Variants in DHX32 observed in about 807,000 individuals in gnomAD.
The protein encoded by DHX32 is putative pre-mRNA-splicing factor ATP-dependent RNA helicase DHX32.
In DHX32, 51 loss-of-function variants were observed where a neutral mutation model predicts 70.0. That is an observed-to-expected ratio of 0.73 (90% confidence interval 0.58 to 0.92). DHX32 has a LOEUF of 0.92. Ranked by LOEUF, DHX32 falls within the 40% of genes least tolerant of loss-of-function variation. The pLI, the probability that DHX32 is intolerant of heterozygous loss-of-function variation, is 0.00. For synonymous variants in DHX32, 310 were observed against 315.3 expected (o/e 0.98, Z 0.18); for missense variants, 762 against 891.8 (o/e 0.85, Z 1.85).
chr10:125,868,243 T>G (rs1307270827), intron 1 of DHX32, among the ~76,000 whole-genome samples: 1 of 152,236 alleles, frequency 6.6e-6, no homozygotes, highest in African/African-American at 2.4e-5. Context: ...TATAGTAGAA[T>G]GTACTGAATT....
Position 125,836,633 on chromosome 10 carries a change from T to G in DHX32, c.*54A>C. 1.3e-6 allele frequency: 2 copies of G among 1,586,076 alleles called. No homozygotes were observed. Among genetic ancestry groups the G allele is most frequent in the Non-Finnish European group, 1.7e-6 (2 of 1,163,666 alleles). ...GTCATGTATCTCCCATATCCAGCAG[T>G]TCAGCCATCCAGCTACCTTTGGGAC... On this transcript the variant is annotated 3_prime_UTR_variant, in exon 11 of 11. Coordinates refer to ENST00000284690, the MANE Select transcript of DHX32 (RefSeq NM_018180.3).
chr10:125,836,605 C>T lies in DHX32; in HGVS notation c.*82G>A, dbSNP rs527851917. ...GTCCTGTGGATGTGAAATCCGTCTT[C>T]GCGTCATGTATCTCCCATATCCAGC... On this transcript the variant is annotated 3_prime_UTR_variant, in exon 11 of 11. Coordinates refer to ENST00000284690, the MANE Select transcript of DHX32 (RefSeq NM_018180.3). The T allele has an allele frequency of 2.8e-5, 42 of 1,504,858 alleles. No homozygotes were observed. Among genetic ancestry groups the T allele is most frequent in the East Asian group, 1.8e-4 (8 of 43,894 alleles). The allele number at this position is 1,504,858 out of a possible 1,614,324, so 93.2% of individuals were successfully genotyped here.
At chr10:125,841,425 T>C in intron 7 of DHX32, 1 of 1,582,478 alleles carries the variant, frequency 6.3e-7, no homozygotes, top group Non-Finnish European at 8.6e-7. Context: ...ACAACATTAT[T>C]TGGGGAAAAA....
chr10:125,888,056 T>C (rs1308144134), intron 1 of DHX32, among the ~76,000 whole-genome samples: 1 of 152,206 alleles, frequency 6.6e-6, no homozygotes, highest in Non-Finnish European at 1.5e-5. Context: ...AAAATAAATC[T>C]GTCTCATGAT....
Position 125,880,954 on chromosome 10 carries a change from C to CA in DHX32, c.-131dup. ...TGTTCCAATCTCTAAGACTTCAGTTCAAGGTTTTAGCAAGTTAAATTCCTC... is the reference window on the plus strand; with the variant it reads ...TGTTCCAATCTCTAAGACTTCAGTTCAAAGGTTTTAGCAAGTTAAATTCCTC... On this transcript the variant is annotated 5_prime_UTR_variant, in exon 1 of 11. Coordinates refer to ENST00000284690, the MANE Select transcript of DHX32 (RefSeq NM_018180.3). The CA allele has an allele frequency of 8.5e-7, 1 of 1,171,082 alleles. No individual in the cohort carries two copies. Among genetic ancestry groups the CA allele is most frequent in the South Asian group, 1.5e-5 (1 of 64,920 alleles). 72.5% of individuals were successfully genotyped at this position (1,171,082 alleles called of 1,614,324 possible). A position where few individuals can be genotyped will look rare whatever the true frequency, so the allele number is the denominator to read the frequency against.
intron 6 of DHX32, among the ~76,000 whole-genome samples, chr10:125,846,319 G>T (rs1490191056): frequency 6.6e-6 from 1 of 152,124 alleles, no homozygotes; most frequent in Non-Finnish European, 1.5e-5. Flanking sequence ...GTATGGAACT[G>T]GCAGCCCCAG....
rs61871883 is a variant in DHX32, at chr10:125,892,003, C to T, written c.-248+4215G>A. ...ATCTTCATCTCAGACTTTTTCCTTTCGTTCCAGACCCACATGTCCAACTAC... is the reference window on the plus strand; with the variant it reads ...ATCTTCATCTCAGACTTTTTCCTTTTGTTCCAGACCCACATGTCCAACTAC... On this transcript the variant is annotated intron_variant, in intron 1 of 2. Coordinates refer to the DHX32 transcript ENST00000415732. 2.1e-4 allele frequency among the ~76,000 whole-genome samples: 31 copies of T among 151,174 alleles called. No homozygotes were observed. The East Asian group carries it at 3.7e-3, about 18-fold the overall frequency.
intron 2 of DHX32, among the ~76,000 whole-genome samples, chr10:125,864,992 C>T (rs1207713785): frequency 4.9e-5 from 7 of 142,044 alleles, no homozygotes; most frequent in African/African-American, 1.8e-4. Context: ...TATCTGATTC[C>T]ATATCATGAC....
intron 1 of DHX32, among the ~76,000 whole-genome samples, chr10:125,886,575 T>C (rs1401933805): frequency 1.2e-4 from 19 of 152,416 alleles, no homozygotes; most frequent in African/African-American, 4.3e-4. Context: ...TTTATGTGAC[T>C]TTTTTGTTCC....
At chr10:125,880,111 A>G (rs1443190245) in intron 1 of DHX32, among the ~76,000 whole-genome samples, 1 of 152,190 alleles carries the variant, frequency 6.6e-6, no homozygotes, top group African/African-American at 2.4e-5. Context: ...TGATTTCAGT[A>G]GCTCAGCCAG....
intron 10 of DHX32, 26 bp from the exon 11 acceptor site, chr10:125,836,881 G>C (rs763140267): frequency 5.0e-6 from 8 of 1,606,548 alleles, no homozygotes; most frequent in Non-Finnish European, 5.1e-6. Flanking sequence ...AAAAAGATGA[G>C]ATTATGAGTG....
Position 125,839,158 on chromosome 10 carries a change from A to G in DHX32, c.1724T>C (p.Phe575Ser), listed in dbSNP as rs763488463. ...YCVEKWCRDY[F>S]LNCSALRMAD... The stretch of plus-strand genomic sequence containing the variant: ...CATTCTGAGTGCTGAACAGTTGAGG[A>G]AGTAATCACGACACCACTTTTCCAC... Residue 575 changes from phenylalanine to serine, a missense_variant, in exon 9 of 11, where the codon TTC (phenylalanine) becomes TCC (serine). Phe to Ser is a radical substitution (Grantham distance 155, BLOSUM62 -2). Around this residue, in one of 3 missense-constraint regions of DHX32, gnomAD observed 366 missense variants for 402.6 expected, o/e 0.91. Coordinates refer to ENST00000284690, the MANE Select transcript of DHX32 (RefSeq NM_018180.3). 3 of 1,614,234 alleles carry G rather than the reference A, an allele frequency of 1.9e-6. No homozygotes were observed. The East Asian group carries it at 6.7e-5, about 36-fold the overall frequency.
chr10:125,841,638 A>G (rs1255030014), intron 7 of DHX32, 105 bp downstream of exon 7: 2 of 1,497,692 alleles, frequency 1.3e-6, no homozygotes, highest in Non-Finnish European at 1.8e-6. Context: ...GTTGATCACT[A>G]TCTCTGCTCT....
chr10:125,888,359 T>C (rs1449310885), intron 1 of DHX32, among the ~76,000 whole-genome samples: 14 of 152,294 alleles, frequency 9.2e-5, no homozygotes, highest in African/African-American at 3.1e-4. Context: ...CACACCACCA[T>C]GCCTGGCTAA....
chr10:125,855,649 A>G (rs1299873241), intron 3 of DHX32, among the ~76,000 whole-genome samples: 1 of 151,912 alleles, frequency 6.6e-6, no homozygotes, highest in Non-Finnish European at 1.5e-5. Flanking sequence ...ACGGGGCTTC[A>G]CCGTGTTAGC....
Position 125,869,980 on chromosome 10 carries a change from T to C in DHX32, c.283-2797A>G, listed in dbSNP as rs576049268. 3.3e-5 allele frequency among the ~76,000 whole-genome samples: 5 copies of C among 152,296 alleles called. 1 individual carries two copies. In the South Asian group the frequency reaches 1.0e-3, roughly 32 times the overall value. On this transcript the variant is annotated intron_variant, in intron 1 of 10. Transcript: ENST00000284690. ...CAAAGGAAGAATAAGCAGTGCCCAC[T>C]AACAGACTAATTATGCATAGGAAGA...
Position 125,860,518 on chromosome 10 carries a change from T to A in DHX32, c.477-543A>T, listed in dbSNP as rs1208337124. ...TATCATTAAGATGTCATCCAAATAA[T>A]AAGCAAACAGAAGGATCTAAAAAGT... On this transcript the variant is annotated intron_variant, in intron 2 of 10. Coordinates refer to ENST00000284690, the MANE Select transcript of DHX32 (RefSeq NM_018180.3). Among the ~76,000 whole-genome samples the A allele has an allele frequency of 2.6e-5, 4 of 152,214 alleles. No individual in the cohort carries two copies. In the East Asian group the frequency reaches 7.7e-4, roughly 29 times the overall value.
intron 3 of DHX32, among the ~76,000 whole-genome samples, chr10:125,855,452 T>G (rs1944138588): frequency 6.9e-6 from 1 of 145,526 alleles, no homozygotes; most frequent in Non-Finnish European, 1.5e-5. Context: ...TAAACTGTTT[T>G]TTTTTTTTTT....
Position 125,880,673 on chromosome 10 carries a change from CGTGATGAATATGGCAAT to C in DHX32, c.135_151del (p.Pro47LeufsTer2), listed in dbSNP as rs1564832274. The C allele has an allele frequency of 6.2e-7, 1 of 1,614,172 alleles. No individual in the cohort carries two copies. The highest frequency in any genetic ancestry group is 1.1e-5 in the South Asian group (1 of 91,082). On this transcript the variant is annotated frameshift_variant, in exon 1 of 11. Transcript: ENST00000284690. LOFTEE classifies it high-confidence loss of function. The stretch of plus-strand genomic sequence containing the variant: ...TCTTTCTTTCAGAAGTTTATAATAA[CGTGATGAATATGGCAAT>C]CCATCAAAGGGGTTAAGTTCCAAAT...
Sources: allele counts gnomAD v4.1 joint callset (sites outside exome capture counted in the v4.1 genomes callset), GRCh38; gene constraint gnomAD v4.1.1; regional missense constraint gnomAD v4.1.1; transcripts MANE v1.5; gene names NCBI Gene and HGNC (gene_info 2026-07-23, HGNC 2026-07-21).